Variants in STAG1 observed in about 807,000 individuals in gnomAD.
The protein encoded by STAG1 is STAG1 cohesin complex component.
STAG1 carries 26 observed loss-of-function variants against 170.9 expected under a neutral mutation model. The observed-to-expected ratio is 0.15, with a 90% CI of 0.11 to 0.21. STAG1 has a LOEUF of 0.21. Ranked by LOEUF, STAG1 falls within the 10% of genes least tolerant of loss-of-function variation. STAG1 has a pLI of 1.00. For missense variants in STAG1, 964 were observed against 1,509.5 expected (o/e 0.64, Z 5.99); for synonymous variants, 514 against 497.7 (o/e 1.03, Z -0.44).
At chr3:136,649,944 T>A (rs1160561482) in intron 1 of STAG1, among the ~76,000 whole-genome samples, 1 of 151,964 alleles carries the variant, frequency 6.6e-6, no homozygotes, top group Non-Finnish European at 1.5e-5. Flanking sequence ...ATTCTTTGTA[T>A]TTTTAATAGA....
chr3:136,742,779 A>G (rs749616343), intron 1 of STAG1, among the ~76,000 whole-genome samples: 1 of 152,150 alleles, frequency 6.6e-6, no homozygotes, highest in Non-Finnish European at 1.5e-5. Flanking sequence ...GTAAAAGAAG[A>G]TATCACAAAT....
intron 22 of STAG1, among the ~76,000 whole-genome samples, chr3:136,389,376 C>A (rs2086949630): frequency 6.6e-6 from 1 of 152,136 alleles, no homozygotes; most frequent in Non-Finnish European, 1.5e-5. Flanking sequence ...GTGGTGTGAT[C>A]TCCGCCTCCC....
chr3:136,666,723 G>A (rs1941793295), intron 1 of STAG1, among the ~76,000 whole-genome samples: 1 of 151,930 alleles, frequency 6.6e-6, no homozygotes, highest in Non-Finnish European at 1.5e-5. Context: ...AGGAGACTGA[G>A]GTAGGAGAAT....
intron 5 of STAG1, among the ~76,000 whole-genome samples, chr3:136,544,505 A>G (rs1018022969): frequency 6.6e-6 from 1 of 152,150 alleles, no homozygotes; most frequent in African/African-American, 2.4e-5. Context: ...GCTTACACCT[A>G]TAATACCAGC....
At position 136,609,716 on chromosome 3, in the gene STAG1, TAAG is replaced by T. The variant is rs1445356580; in HGVS notation, c.133-5246_133-5244del. On this transcript the variant is annotated intron_variant, in intron 3 of 33. Transcript: ENST00000383202. ...TTTTTAGTAGATCTAGAAACATTTTTAAGAAGAAGGGAATCCTACCCACATCCC... is the reference window on the plus strand; with the variant it reads ...TTTTTAGTAGATCTAGAAACATTTTTAAGAAGGGAATCCTACCCACATCCC... The T allele has an allele frequency of 1.8e-4, 30 of 170,710 alleles. No individual in the cohort carries two copies. The South Asian group carries it at 3.6e-3, about 21-fold the overall frequency. The allele number at this position is 170,710 out of a possible 1,614,324, so 10.6% of individuals were successfully genotyped here.
chr3:136,631,456 TG>T (rs1200201654), intron 1 of STAG1, among the ~76,000 whole-genome samples: 1 of 152,096 alleles, frequency 6.6e-6, no homozygotes, highest in African/African-American at 2.4e-5. Flanking sequence ...CAGTGAAACA[TG>T]TGTGATGGAT....
At chr3:136,415,570 GCT>G (rs1332292474) in intron 21 of STAG1, among the ~76,000 whole-genome samples, 1 of 152,174 alleles carries the variant, frequency 6.6e-6, no homozygotes, top group Non-Finnish European at 1.5e-5. Context: ...GGGTGCGGTG[GCT>G]CATGCCTGAA....
intron 1 of STAG1, among the ~76,000 whole-genome samples, chr3:136,645,561 A>G (rs1940976036): frequency 6.6e-6 from 1 of 152,236 alleles, no homozygotes; most frequent in Admixed American, 6.5e-5. Flanking sequence ...AGTATCCTAG[A>G]AAATTTACTG....
intron 7 of STAG1, among the ~76,000 whole-genome samples, chr3:136,506,394 T>A (rs1933763086): frequency 2.0e-5 from 3 of 148,906 alleles, no homozygotes; most frequent in Non-Finnish European, 3.0e-5. Context: ...ACTTTGGGAG[T>A]CTGAGGCAGG....
chr3:136,459,622 A>G (rs2089219273), intron 13 of STAG1, among the ~76,000 whole-genome samples: 1 of 152,224 alleles, frequency 6.6e-6, no homozygotes, highest in Non-Finnish European at 1.5e-5. Flanking sequence ...CAAGGTCACA[A>G]AAGAAGTCAA....
Position 136,337,286 on chromosome 3 carries a change from T to TA in STAG1, c.*967dup, listed in dbSNP as rs1935720975. 1 of 152,644 alleles carries TA rather than the reference T, an allele frequency of 6.6e-6. No individual in the cohort carries two copies. The highest frequency in any genetic ancestry group is 2.4e-5 in the African/African-American group (1 of 41,458). The allele number at this position is 152,644 out of a possible 1,614,324, so 9.5% of individuals were successfully genotyped here. A position where few individuals can be genotyped will look rare whatever the true frequency, so the allele number is the denominator to read the frequency against. On this transcript the variant is annotated 3_prime_UTR_variant, in exon 34 of 34. Coordinates refer to ENST00000383202, the MANE Select transcript of STAG1 (RefSeq NM_005862.3). ...CTTAAAATTACTTTTGAATGATTGA[T>TA]AAAGGATTTCTTCATGATTGATTAT... is the stretch of plus-strand genomic sequence containing the variant.
At chr3:136,626,653 C>A (rs533421056) in intron 2 of STAG1, among the ~76,000 whole-genome samples, 5 of 152,164 alleles carry the variant, frequency 3.3e-5, no homozygotes, top group Non-Finnish European at 7.3e-5. Flanking sequence ...TTATTTGTCT[C>A]TACTAAAGAA....
At chr3:136,674,439 G>C (rs1942074032) in intron 1 of STAG1, among the ~76,000 whole-genome samples, 1 of 152,180 alleles carries the variant, frequency 6.6e-6, no homozygotes, top group Non-Finnish European at 1.5e-5. Flanking sequence ...AAATTCTGTA[G>C]AAAAATTCTG....
intron 20 of STAG1, among the ~76,000 whole-genome samples, chr3:136,419,837 T>A (rs1302074801): frequency 1.3e-5 from 2 of 152,158 alleles, no homozygotes; most frequent in Non-Finnish European, 2.9e-5. Flanking sequence ...TGTAGCACTC[T>A]AGTGATAAAA....
intron 3 of STAG1, among the ~76,000 whole-genome samples, chr3:136,617,125 T>G (rs978535429): frequency 1.3e-5 from 2 of 152,184 alleles, no homozygotes; most frequent in Admixed American, 6.5e-5. Context: ...TTAGAATAGT[T>G]AAGAATTTTT....
intron 29 of STAG1, among the ~76,000 whole-genome samples, chr3:136,345,269 T>C (rs569263857): frequency 2.6e-5 from 4 of 151,892 alleles, no homozygotes; most frequent in African/African-American, 9.7e-5. Flanking sequence ...TTTGTATTTT[T>C]AGTAGAGATG....
intron 14 of STAG1, among the ~76,000 whole-genome samples, chr3:136,450,839 C>T (rs2088915392): frequency 6.6e-6 from 1 of 152,082 alleles, no homozygotes; most frequent in African/African-American, 2.4e-5. Context: ...ACCTCTGCCT[C>T]CTGGGTTCAA....
intron 1 of STAG1, among the ~76,000 whole-genome samples, chr3:136,743,043 A>G (rs189297918): frequency 1.9e-4 from 29 of 152,316 alleles, no homozygotes; most frequent in Admixed American, 6.5e-4. Context: ...TGAAAAAATA[A>G]CCGATAAATC....
intron 28 of STAG1, among the ~76,000 whole-genome samples, chr3:136,354,943 T>G (rs1389286124): frequency 6.6e-6 from 1 of 152,034 alleles, no homozygotes; most frequent in African/African-American, 2.4e-5. Context: ...AGGTGTACCA[T>G]GCAAAACAGT....
Sources: gnomAD v4.1 joint callset for allele counts (sites outside exome capture counted in the v4.1 genomes callset) on GRCh38, gnomAD v4.1.1 for gene constraint, MANE v1.5 for transcripts, NCBI Gene and HGNC (gene_info 2026-07-23, HGNC 2026-07-21) for gene names.